SERPINB12: variants seen among roughly 807,000 people sequenced by gnomAD.
SERPINB12 encodes the protein serpin B12.
In SERPINB12, 57 loss-of-function variants were observed where a neutral mutation model predicts 41.1. That is an observed-to-expected ratio of 1.39 (90% confidence interval 1.12 to 1.73). The LOEUF is 1.73. SERPINB12 is among the 40% of genes most tolerant of loss of function. SERPINB12 has a pLI of 0.00. For missense variants in SERPINB12, 536 were observed against 501.9 expected, an observed-to-expected ratio of 1.07 and a Z score of -0.65; for synonymous variants, 180 against 181.3, an observed-to-expected ratio of 0.99 and a Z score of 0.06.
At chr18:63,540,965 A>C (rs1487983739), upstream of SERPINB12, among the ~76,000 whole-genome samples, 1 of 152,204 alleles carries the variant, frequency 6.6e-6, no homozygotes, top group Non-Finnish European at 1.5e-5. Flanking sequence ...GAAATTGTGG[A>C]TTTTGATGGG....
intron 1 of SERPINB12, among the ~76,000 whole-genome samples, chr18:63,543,765 C>T (rs759719675): frequency 1.3e-4 from 20 of 151,782 alleles, no homozygotes; most frequent in South Asian, 8.3e-4. Flanking sequence ...TACAGGCGTG[C>T]GCCACGACAC....
At chr18:63,543,087 C>T (rs1910308512) in intron 1 of SERPINB12, among the ~76,000 whole-genome samples, 1 of 152,144 alleles carries the variant, frequency 6.6e-6, no homozygotes, top group African/African-American at 2.4e-5. Flanking sequence ...AGGCCTTCTC[C>T]AAGTCCTTGT....
chr18:63,566,958 A>T lies in SERPINB12; in HGVS notation c.1225A>T (p.Arg409Ter), dbSNP rs750358789. ...CAACCACCCTTTTCTCTTTTTCATT[A>T]GACACAACAAAACCCAAACCATTCT... ...NANHPFLFFIRHNKTQTILFY... is the reference protein window; with the variant it reads ...NANHPFLFFI Residue 409 changes from arginine (R) to a stop codon, truncating the protein, a stop_gained, in exon 8 of 8, where the codon AGA becomes TGA. Transcript: ENST00000382768. LOFTEE classifies it high-confidence loss of function. 6.8e-6 allele frequency: 11 copies of T among 1,612,872 alleles called. No homozygotes were observed. In the South Asian group the frequency reaches 9.9e-5, roughly 15 times the overall value.
At position 63,552,826 on chromosome 18, in the gene SERPINB12, C is replaced by A. The variant is rs187573653; in HGVS notation, c.-18-3316C>A. On this transcript the variant is annotated intron_variant, in intron 1 of 7. Coordinates refer to ENST00000382768, the MANE Select transcript of SERPINB12 (RefSeq NM_001307928.2). The stretch of plus-strand genomic sequence containing the variant: ...CCACCCCCCAAAATAACCAAGCAAC[C>A]CTTCAGAAGGTGGTTAGCAGATGAC... 1.6e-3 allele frequency among the ~76,000 whole-genome samples: 238 copies of A among 152,190 alleles called. 1 individual carries two copies. The highest frequency in any genetic ancestry group is 5.2e-3 in the African/African-American group (217 of 41,516).
At position 63,565,492 on chromosome 18, in the gene SERPINB12, A is replaced by T. The variant is rs912136083; in HGVS notation, c.753A>T (p.Arg251Ser). ...VKMMTQKGLY[R>S]IGFIEEVKAQ... ...TGATGACGCAAAAAGGCCTCTACAG[A>T]ATTGGCTTCATAGAGGAGGTGAAGG... Residue 251 changes from arginine (R) to serine (S), a missense_variant, in exon 7 of 8, where the codon AGA becomes AGT. Coordinates refer to ENST00000382768, the MANE Select transcript of SERPINB12 (RefSeq NM_001307928.2). The T allele has an allele frequency of 6.2e-7, 1 of 1,613,888 alleles. No homozygotes were observed. Among genetic ancestry groups the T allele is most frequent in the Non-Finnish European group, 8.5e-7 (1 of 1,179,960 alleles).
At position 63,566,792 on chromosome 18, in the gene SERPINB12, C is replaced by A. The variant is rs1911117439; in HGVS notation, c.1059C>A (p.Ile353=). 6.2e-7 allele frequency: 1 copy of A among 1,614,094 alleles called. No homozygotes were observed. The highest frequency in any genetic ancestry group is 1.3e-5 in the African/African-American group (1 of 75,028). The part of the protein sequence containing the change: ...FDETRADLTG[I]SPSPNLYLSK... Reference sequence around the variant, plus strand: ...AAACGAGGGCTGATCTTACTGGAATCTCTCCAAGTCCCAATTTGTACTTGT... The same window carrying A: ...AAACGAGGGCTGATCTTACTGGAATATCTCCAAGTCCCAATTTGTACTTGT... Residue 353 remains isoleucine (I), a synonymous_variant, in exon 8 of 8, where the codon ATC becomes ATA. Coordinates refer to ENST00000382768, the MANE Select transcript of SERPINB12 (RefSeq NM_001307928.2).
intron 6 of SERPINB12, among the ~76,000 whole-genome samples, chr18:63,564,974 C>A (rs187846936): frequency 1.3e-5 from 2 of 152,120 alleles, no homozygotes; most frequent in African/African-American, 2.4e-5. Context: ...TCAGTTGAGA[C>A]TAGGAGTTTG....
upstream of SERPINB12, among the ~76,000 whole-genome samples, chr18:63,540,988 C>T (rs1910260137): frequency 6.6e-6 from 1 of 152,084 alleles, no homozygotes; most frequent in South Asian, 2.1e-4. Context: ...TACAAATTAT[C>T]TTTACTTTTC....
chr18:63,532,788 G>T, the SERPINB12 span, among the ~76,000 whole-genome samples: 2 of 152,082 alleles, frequency 1.3e-5, no homozygotes, highest in African/African-American at 4.8e-5. Flanking sequence ...GATGTTTGAT[G>T]AATCTAGTTG....
intron 1 of SERPINB12, among the ~76,000 whole-genome samples, chr18:63,555,928 C>T (rs773120797): frequency 1.1e-4 from 16 of 152,124 alleles, no homozygotes; most frequent in Non-Finnish European, 1.9e-4. Flanking sequence ...CCCCAGGAAA[C>T]GAATTCACAC....
At chr18:63,561,351 C>A (rs1910904482) in intron 5 of SERPINB12, 149 bp downstream of exon 5, 4 of 585,056 alleles carry the variant, frequency 6.8e-6, no homozygotes, top group East Asian at 3.0e-5. Flanking sequence ...AATGAGATAC[C>A]ATCTCACACC....
At chr18:63,520,205 C>A in the SERPINB12 span, among the ~76,000 whole-genome samples, 1 of 152,156 alleles carries the variant, frequency 6.6e-6, no homozygotes, top group Non-Finnish European at 1.5e-5. Flanking sequence ...TGGCCTCACA[C>A]CCAGTGCAGG....
intron 1 of SERPINB12, among the ~76,000 whole-genome samples, chr18:63,543,569 A>C (rs1260025840): frequency 6.8e-6 from 1 of 147,566 alleles, no homozygotes. Flanking sequence ...CAAAACATAC[A>C]TTTTATTTAT....
intron 4 of SERPINB12, among the ~76,000 whole-genome samples, chr18:63,560,080 G>A (rs1003137960): frequency 6.6e-6 from 1 of 152,146 alleles, no homozygotes; most frequent in Non-Finnish European, 1.5e-5. Flanking sequence ...TCTGTTAGGT[G>A]CCCCCAAGAC....
chr18:63,529,365 G>C, the SERPINB12 span, among the ~76,000 whole-genome samples: 1 of 152,168 alleles, frequency 6.6e-6, no homozygotes, highest in Admixed American at 6.6e-5. Flanking sequence ...CTAAGGTTTT[G>C]ATGGCCTGTA....
At chr18:63,522,801 C>G in the SERPINB12 span, among the ~76,000 whole-genome samples, 1 of 151,992 alleles carries the variant, frequency 6.6e-6, no homozygotes, top group Non-Finnish European at 1.5e-5. Flanking sequence ...CTTAGAATAA[C>G]CATGGTTAAA....
chr18:63,536,442 GA>G, the SERPINB12 span, among the ~76,000 whole-genome samples: 1 of 152,038 alleles, frequency 6.6e-6, no homozygotes, highest in Non-Finnish European at 1.5e-5. Context: ...AATATGATTA[GA>G]TGCTTAACTT....
In SERPINB12 at chr18:63,561,168, A is replaced by G. The variant is rs781096860; in HGVS notation, c.528A>G (p.Gln176=). Residue 176 remains glutamine, a synonymous_variant, in exon 5 of 8, where the codon CAA becomes CAG. Coordinates refer to ENST00000382768, the MANE Select transcript of SERPINB12 (RefSeq NM_001307928.2). ...DFQKNPEKSR[Q]EINFWVECQS... is the part of the protein sequence containing the mutation. ...AAAAAAACCCTGAAAAATCCAGACAAGAGATTAACTTCTGGGTTGAATGTC... is the reference window on the plus strand; with the variant it reads ...AAAAAAACCCTGAAAAATCCAGACAGGAGATTAACTTCTGGGTTGAATGTC... 6.2e-7 allele frequency: 1 copy of G among 1,612,488 alleles called. No homozygotes were observed. The highest frequency in any genetic ancestry group is 8.5e-7 in the Non-Finnish European group (1 of 1,178,520).
At chr18:63,561,351 C>T (rs1910904482) in intron 5 of SERPINB12, 149 bp downstream of exon 5, 1 of 585,058 alleles carries the variant, frequency 1.7e-6, no homozygotes, top group East Asian at 3.0e-5. Context: ...AATGAGATAC[C>T]ATCTCACACC....
Sources: gnomAD v4.1 joint callset for allele counts (sites outside exome capture counted in the v4.1 genomes callset) on GRCh38, gnomAD v4.1.1 for gene constraint, MANE v1.5 for transcripts, NCBI Gene and HGNC (gene_info 2026-07-23, HGNC 2026-07-21) for gene names.